TOPBP1: variants seen among roughly 807,000 people sequenced by gnomAD.
TOPBP1 encodes the protein DNA topoisomerase 2-binding protein 1.
In TOPBP1, 28 loss-of-function variants were observed where a neutral mutation model predicts 167.7. The observed-to-expected ratio is 0.17, with a 90% CI of 0.12 to 0.23. The LOEUF is 0.23. TOPBP1 is among the 10% of genes least tolerant of loss of function. The pLI, the probability that TOPBP1 is intolerant of heterozygous loss-of-function variation, is 1.00. For missense variants in TOPBP1, 1,554 were observed against 1,809.6 expected (o/e 0.86, Z 2.56); for synonymous variants, 598 against 611.4 (o/e 0.98, Z 0.32).
Position 133,620,198 on chromosome 3 carries a change from G to A in TOPBP1, c.3328C>T (p.Arg1110Cys), listed in dbSNP as rs376993388. 8.7e-6 allele frequency: 14 copies of A among 1,613,750 alleles called. No individual in the cohort carries two copies. In the African/African-American group the frequency reaches 9.3e-5, roughly 11 times the overall value. ...NSASSTPDSTRSARSGRSRVL... is the reference protein window; with the variant it reads ...NSASSTPDSTCSARSGRSRVL... ...CTACTTCGTCCACTGCGAGCAGAGC[G>A]AGTGCTGTCAGGGGTTGAAGATGCG... The change falls in exon 20 of 28, where the codon CGC (arginine) becomes TGC (cysteine). Residue 1110 changes from arginine (R) to cysteine (C), a missense_variant. By Grantham distance (180) the Arg-to-Cys change is radical. Coordinates refer to ENST00000260810, the MANE Select transcript of TOPBP1 (RefSeq NM_007027.4).
At chr3:133,625,441 A>G (rs1466684223) in intron 16 of TOPBP1, among the ~76,000 whole-genome samples, 3 of 152,224 alleles carry the variant, frequency 2.0e-5, no homozygotes, top group Non-Finnish European at 4.4e-5. Context: ...CAAATGAATT[A>G]AGAAGCTGGG....
intron 16 of TOPBP1, 53 bp downstream of exon 16, chr3:133,628,309 T>C (rs1935334946): frequency 6.8e-7 from 1 of 1,477,236 alleles, no homozygotes; most frequent in African/African-American, 1.4e-5. Context: ...AGCTTTAGGT[T>C]TCCTTATAAA....
intron 27 of TOPBP1, among the ~76,000 whole-genome samples, chr3:133,604,062 AAC>A (rs1252319583): frequency 6.6e-6 from 1 of 151,968 alleles, no homozygotes; most frequent in African/African-American, 2.4e-5. Context: ...GGAACTAAAC[AAC>A]AGACTCCTAA....
rs763273542 is a variant in TOPBP1, at chr3:133,653,362, T to G, written c.905A>C (p.Gln302Pro). ...TMPNSSTPTS[Q>P]INTIDSRTLS... is the part of the protein sequence containing the mutation. The stretch of plus-strand genomic sequence containing the variant: ...AGACTCACTATCAATTGTGTTGATC[T>G]GGCTGGTAGGAGTTGAAGAATTGGG... The change falls in exon 7 of 28, where the codon CAG becomes CCG. Residue 302 changes from glutamine to proline, a missense_variant. This residue lies in a region of TOPBP1 where 1,197 missense variants were observed against 1,351.5 expected (regional missense o/e 0.89). Coordinates refer to ENST00000260810, the MANE Select transcript of TOPBP1 (RefSeq NM_007027.4). 6.2e-7 allele frequency: 1 copy of G among 1,601,158 alleles called. No homozygotes were observed. Among genetic ancestry groups the G allele is most frequent in the Non-Finnish European group, 8.5e-7 (1 of 1,176,124 alleles).
At position 133,640,150 on chromosome 3, in the gene TOPBP1, C is replaced by T. The variant is rs767685602; in HGVS notation, c.2042G>A (p.Arg681His). The change falls in exon 13 of 28, where the codon CGC (arginine) becomes CAC (histidine). Residue 681 changes from arginine (R) to histidine (H), a missense_variant. This residue lies in a region of TOPBP1 where 1,197 missense variants were observed against 1,351.5 expected (regional missense o/e 0.89). Coordinates refer to ENST00000260810, the MANE Select transcript of TOPBP1 (RefSeq NM_007027.4). The part of the protein sequence containing the change: ...LGASVQEYFV[R>H]KSNAKKGMFA... ...CATGCCTTTCTTTGCATTGGATTTGCGAACAAAGTATTCTTGAACACTGAA... is the reference window on the plus strand; with the variant it reads ...CATGCCTTTCTTTGCATTGGATTTGTGAACAAAGTATTCTTGAACACTGAA... The T allele has an allele frequency of 2.7e-5, 43 of 1,612,894 alleles. No homozygotes were observed. Among genetic ancestry groups the T allele is most frequent in the East Asian group, 6.7e-5 (3 of 44,850 alleles).
Position 133,644,041 on chromosome 3 carries a change from T to A in TOPBP1, c.1827A>T (p.Glu609Asp). The change falls in exon 11 of 28, where the codon GAA (glutamate) becomes GAT (aspartate). Residue 609 changes from glutamate (E) to aspartate (D), a missense_variant. This residue lies in a region of TOPBP1 where 1,197 missense variants were observed against 1,351.5 expected (regional missense o/e 0.89). Coordinates refer to ENST00000260810, the MANE Select transcript of TOPBP1 (RefSeq NM_007027.4). ...TTACCAGCCATGTATTTGTAACAAC[T>A]TCTCCCACAGTGGCTTCCACTTCAC... is the stretch of plus-strand genomic sequence containing the variant. ...LGCEVEATVG[E>D]VVTNTWLVTC... The A allele has an allele frequency of 6.2e-7, 1 of 1,603,780 alleles. No homozygotes were observed. Among genetic ancestry groups the A allele is most frequent in the Non-Finnish European group, 8.5e-7 (1 of 1,175,582 alleles).
chr3:133,630,586 C>T lies in TOPBP1; in HGVS notation c.2521-1853G>A, dbSNP rs566885314. Among the ~76,000 whole-genome samples, 8 of 150,908 alleles carry T rather than the reference C, an allele frequency of 5.3e-5. No individual in the cohort carries two copies. The East Asian group carries it at 7.8e-4, about 15-fold the overall frequency. ...GTGCTGGGATTACAGGTGTGAGTCA[C>T]GGTGACTCGCTGTAATTTTTTTGTT... On this transcript the variant is annotated intron_variant, in intron 14 of 27. Coordinates refer to ENST00000260810, the MANE Select transcript of TOPBP1 (RefSeq NM_007027.4).
At chr3:133,649,996 A>G (rs1399821173) in intron 8 of TOPBP1, 53 bp from the exon 9 acceptor site, 2 of 1,401,846 alleles carry the variant, frequency 1.4e-6, no homozygotes, top group East Asian at 5.2e-5. Context: ...TCAATAGAAA[A>G]AAACTAAAAA....
At chr3:133,652,922 A>C (rs549972655) in intron 7 of TOPBP1, among the ~76,000 whole-genome samples, 222 of 152,370 alleles carry the variant, frequency 1.5e-3, no homozygotes, top group African/African-American at 4.8e-3. Context: ...CATTTGAAAA[A>C]ATATTTTAAA....
intron 14 of TOPBP1, among the ~76,000 whole-genome samples, chr3:133,629,596 A>G (rs188960204): frequency 4.2e-4 from 64 of 152,308 alleles, no homozygotes; most frequent in Admixed American, 1.4e-3. Flanking sequence ...ACCAACATGT[A>G]TCTACCAATG....
At chr3:133,645,210 A>C (rs1936034270) in intron 10 of TOPBP1, among the ~76,000 whole-genome samples, 1 of 152,226 alleles carries the variant, frequency 6.6e-6, no homozygotes, top group African/African-American at 2.4e-5. Flanking sequence ...TAAATTAAGT[A>C]CACTGCAATA....
chr3:133,604,493 C>G (rs911086342), intron 27 of TOPBP1, among the ~76,000 whole-genome samples: 1 of 151,210 alleles, frequency 6.6e-6, no homozygotes, highest in African/African-American at 2.4e-5. Context: ...AACTTTATGC[C>G]AACAAATTTG....
intron 14 of TOPBP1, among the ~76,000 whole-genome samples, chr3:133,637,193 A>G (rs1230567677): frequency 6.6e-6 from 1 of 152,208 alleles, no homozygotes; most frequent in Non-Finnish European, 1.5e-5. Flanking sequence ...AGGTTCGTGG[A>G]TAAAGAAATC....
At position 133,661,749 on chromosome 3, in the gene TOPBP1, C is replaced by T. The variant is rs1369690990; in HGVS notation, c.-8+20G>A. On this transcript the variant is annotated intron_variant, in intron 1 of 27. Transcript: ENST00000260810. ...TTGGGGCTGGGGAGGAGCTGTGTCC[C>T]CACTCCGCGCCTCACTTACCTCGTT... The T allele has an allele frequency of 6.5e-6, 1 of 152,672 alleles. No homozygotes were observed. Among genetic ancestry groups the T allele is most frequent in the Non-Finnish European group, 1.5e-5 (1 of 68,072 alleles). 9.5% of individuals were successfully genotyped at this position (152,672 alleles called of 1,614,324 possible). A position where few individuals can be genotyped will look rare whatever the true frequency, so the allele number is the denominator to read the frequency against.
At chr3:133,643,935 C>T in intron 11 of TOPBP1, 85 bp downstream of exon 11, 4 of 1,343,150 alleles carry the variant, frequency 3.0e-6, no homozygotes, top group Non-Finnish European at 4.0e-6. Context: ...TTTACTGTAA[C>T]TGAACTGTCT....
At position 133,620,276 on chromosome 3, in the gene TOPBP1, T is replaced by C. The variant is rs368014076; in HGVS notation, c.3250A>G (p.Ile1084Val). ...GTCCTCTGCCCTTGGGGTTTCACTA[T>C]TGATGTTGCAGACATTATCTCCTGT... The part of the protein sequence containing the change: ...QLQEIMSATS[I>V]VKPQGQRTSL... Residue 1084 changes from isoleucine to valine, a missense_variant, in exon 20 of 28, where the codon ATA becomes GTA. This residue lies in a region of TOPBP1 where 1,197 missense variants were observed against 1,351.5 expected (regional missense o/e 0.89). Transcript: ENST00000260810. 188 of 1,613,904 alleles carry C rather than the reference T, an allele frequency of 1.2e-4. No homozygotes were observed. The highest frequency in any genetic ancestry group is 2.2e-4 in the Admixed American group (13 of 60,006).
chr3:133,652,718 G>A (rs1936346132), intron 7 of TOPBP1, 89 bp from the exon 8 acceptor site: 1 of 1,128,116 alleles, frequency 8.9e-7, no homozygotes. Flanking sequence ...TACAAATATA[G>A]GGCAATAAAC....
At position 133,661,932 on chromosome 3, in the gene TOPBP1, G is replaced by T. The variant is rs917950092; in HGVS notation, c.-171C>A. 6.6e-6 allele frequency: 1 copy of T among 152,252 alleles called. No homozygotes were observed. The highest frequency in any genetic ancestry group is 2.4e-5 in the African/African-American group (1 of 41,470). 9.4% of individuals were successfully genotyped at this position (152,252 alleles called of 1,614,324 possible). On this transcript the variant is annotated 5_prime_UTR_variant, in exon 1 of 28. Transcript: ENST00000260810. The stretch of plus-strand genomic sequence containing the variant: ...GAGAACCCGGAAATTGCCCAGAACG[G>T]GAACCGACTTTCGCGCCAACCGCGC...
At chr3:133,642,954 T>C (rs1935945333) in intron 12 of TOPBP1, among the ~76,000 whole-genome samples, 2 of 152,184 alleles carry the variant, frequency 1.3e-5, no homozygotes, top group South Asian at 4.1e-4. Flanking sequence ...TAAACACTAT[T>C]TCATGTGTTT....
Sources: allele counts gnomAD v4.1 joint callset (sites outside exome capture counted in the v4.1 genomes callset), GRCh38; gene constraint gnomAD v4.1.1; regional missense constraint gnomAD v4.1.1; transcripts MANE v1.5; gene names NCBI Gene and HGNC (gene_info 2026-07-23, HGNC 2026-07-21).